The following WBP2NL variants were observed in gnomAD, a reference collection of about 807,000 sequenced individuals.
The protein encoded by WBP2NL is postacrosomal sheath WW domain-binding protein.
WBP2NL carries 27 observed loss-of-function variants against 23.3 expected under a neutral mutation model. The observed-to-expected ratio is 1.16, with a 90% CI of 0.85 to 1.60. The LOEUF is 1.60. Among genes scored for constraint, WBP2NL ranks in the 40% most tolerant of loss-of-function variants. WBP2NL has a pLI of 0.00. For missense variants in WBP2NL, 370 were observed against 389.5 expected (o/e 0.95, Z 0.42); for synonymous variants, 151 against 145.9 (o/e 1.03, Z -0.25).
chr22:42,022,504 G>T, intron 5 of WBP2NL, 148 bp downstream of exon 5: 1 of 715,016 alleles, frequency 1.4e-6, no homozygotes, highest in South Asian at 2.0e-5. Flanking sequence ...TTTGTTTCCA[G>T]ACTGAAACCC....
chr22:42,021,994 C>T (rs1213563855), intron 4 of WBP2NL, among the ~76,000 whole-genome samples: 1 of 151,816 alleles, frequency 6.6e-6, no homozygotes, highest in Non-Finnish European at 1.5e-5. Context: ...GAGATAGGGT[C>T]TTGCCATGTT....
At chr22:42,026,010 G>C (rs970646261) in intron 5 of WBP2NL, among the ~76,000 whole-genome samples, 1 of 152,048 alleles carries the variant, frequency 6.6e-6, no homozygotes, top group Non-Finnish European at 1.5e-5. Flanking sequence ...AGTGGCTCAC[G>C]CCTGTAATCC....
intron 8 of WBP2NL, among the ~76,000 whole-genome samples, chr22:42,050,405 G>A (rs577640022): frequency 6.6e-6 from 1 of 152,168 alleles, no homozygotes; most frequent in South Asian, 2.1e-4. Context: ...CAGCACTTTG[G>A]GAAGCCGAGG....
At chr22:42,044,973 G>A (rs1809963439) in intron 8 of WBP2NL, among the ~76,000 whole-genome samples, 1 of 151,892 alleles carries the variant, frequency 6.6e-6, no homozygotes, top group South Asian at 2.1e-4. Flanking sequence ...GCCACACCTG[G>A]CTAATTTTTT....
chr22:42,027,299 A>C lies in WBP2NL; in HGVS notation c.*118A>C. On this transcript the variant is annotated 3_prime_UTR_variant, in exon 6 of 6. Transcript: ENST00000328823. ...CAGGCTTCTCGCAGGTAGTTGTTCC[A>C]CCCTTTGGAAGGGCAATCTTATGGG... is the stretch of plus-strand genomic sequence containing the variant. 1 of 1,338,454 alleles carries C rather than the reference A, an allele frequency of 7.5e-7. No individual in the cohort carries two copies. Among genetic ancestry groups the C allele is most frequent in the Non-Finnish European group, 9.9e-7 (1 of 1,008,040 alleles). The allele number at this position is 1,338,454 out of a possible 1,614,324, so 82.9% of individuals were successfully genotyped here.
intron 8 of WBP2NL, among the ~76,000 whole-genome samples, chr22:42,050,074 T>G (rs1460325448): frequency 1.3e-5 from 2 of 152,116 alleles, no homozygotes; most frequent in East Asian, 3.8e-4. Context: ...GCCTGTAATC[T>G]TTGGGAGGCC....
At chr22:42,043,445 A>C (rs1925472011) in intron 8 of WBP2NL, among the ~76,000 whole-genome samples, 1 of 152,200 alleles carries the variant, frequency 6.6e-6, no homozygotes, top group African/African-American at 2.4e-5. Context: ...GGCAATGGCC[A>C]GATGTGGGCA....
chr22:41,999,586 TAGTG>T (rs908439654), intron 1 of WBP2NL, among the ~76,000 whole-genome samples: 1 of 152,130 alleles, frequency 6.6e-6, no homozygotes, highest in African/African-American at 2.4e-5. Context: ...CTGGGCAACA[TAGTG>T]AGACCCCATC....
intron 5 of WBP2NL, among the ~76,000 whole-genome samples, chr22:42,023,241 G>A (rs758137128): frequency 6.6e-6 from 1 of 151,480 alleles, no homozygotes; most frequent in Non-Finnish European, 1.5e-5. Flanking sequence ...CTGTAGTGCA[G>A]TGGCACTATC....
chr22:42,042,807 C>T (rs745751281), intron 8 of WBP2NL, among the ~76,000 whole-genome samples: 1 of 152,086 alleles, frequency 6.6e-6, no homozygotes, highest in Non-Finnish European at 1.5e-5. Context: ...GCCTGCAACT[C>T]CAGCACTTTG....
intron 1 of WBP2NL, among the ~76,000 whole-genome samples, chr22:42,019,094 G>A (rs550724673): frequency 1.3e-4 from 20 of 151,998 alleles, no homozygotes; most frequent in South Asian, 4.2e-4. Flanking sequence ...GGTGGCGGGC[G>A]CCTGTAGTCC....
At chr22:42,038,379 G>A (rs1925269917) in intron 8 of WBP2NL, among the ~76,000 whole-genome samples, 2 of 152,252 alleles carry the variant, frequency 1.3e-5, no homozygotes, top group East Asian at 3.9e-4. Context: ...TGGTTTGCTA[G>A]TGTTTTATTA....
Position 42,012,775 on chromosome 22 carries a change from G to A in WBP2NL, c.63-6536G>A, listed in dbSNP as rs920298076. Among the ~76,000 whole-genome samples, 7 of 150,762 alleles carry A rather than the reference G, an allele frequency of 4.6e-5. No homozygotes were observed. The South Asian group carries it at 6.3e-4, about 14-fold the overall frequency. ...TGGGAGGCCGAGGCAGGTGGATCACGAGGTCAGAAGATGGAGACCATTCTG... is the reference window on the plus strand; with the variant it reads ...TGGGAGGCCGAGGCAGGTGGATCACAAGGTCAGAAGATGGAGACCATTCTG... On this transcript the variant is annotated intron_variant, in intron 1 of 5. Coordinates refer to ENST00000328823, the MANE Select transcript of WBP2NL (RefSeq NM_152613.3).
chr22:42,003,945 C>T (rs1921959110), intron 1 of WBP2NL, among the ~76,000 whole-genome samples: 1 of 152,118 alleles, frequency 6.6e-6, no homozygotes, highest in South Asian at 2.1e-4. Flanking sequence ...GGAAATGGCC[C>T]AAATAAATCA....
chr22:42,035,162 TATTA>T (rs762881326), downstream of WBP2NL, among the ~76,000 whole-genome samples: 24 of 152,270 alleles, frequency 1.6e-4, no homozygotes, highest in Admixed American at 6.5e-4. Context: ...ATTACAAAAG[TATTA>T]ATTTGGGGAA....
intron 8 of WBP2NL, among the ~76,000 whole-genome samples, chr22:42,051,527 G>A (rs76277210): frequency 0.02 from 3,008 of 152,268 alleles, 46 homozygotes; most frequent in Non-Finnish European, 0.032. Context: ...TGCTAATAAT[G>A]TATCAGTACT....
At chr22:42,029,913 A>G (rs1290562356), downstream of WBP2NL, 2 of 152,226 alleles carry the variant, frequency 1.3e-5, no homozygotes, top group Non-Finnish European at 2.9e-5. Flanking sequence ...GCTTTTTAAA[A>G]GTTTTAAATG....
At chr22:42,049,705 C>CAA (rs1158837575) in intron 8 of WBP2NL, among the ~76,000 whole-genome samples, 4 of 37,478 alleles carry the variant, frequency 1.1e-4, no homozygotes, top group Admixed American at 4.4e-4. Flanking sequence ...CAAAACAAAA[C>CAA]AAAAAAAAAA....
At chr22:42,012,443 C>G (rs1922907590) in intron 1 of WBP2NL, among the ~76,000 whole-genome samples, 1 of 152,016 alleles carries the variant, frequency 6.6e-6, no homozygotes, top group Non-Finnish European at 1.5e-5. Flanking sequence ...TCTAATTTCC[C>G]TCTGATTTCT....
Sources: allele counts gnomAD v4.1 joint callset (sites outside exome capture counted in the v4.1 genomes callset), GRCh38; gene constraint gnomAD v4.1.1; transcripts MANE v1.5; gene names NCBI Gene and HGNC (gene_info 2026-07-23, HGNC 2026-07-21).